Variants in NFIX observed in about 807,000 individuals in gnomAD.
NFIX encodes nuclear factor 1 X-type.
NFIX carries 2 observed loss-of-function variants against 53.3 expected under a neutral mutation model. That is an observed-to-expected ratio of 0.04 (90% CI 0.02 to 0.12). NFIX has a LOEUF of 0.12. Among genes scored for constraint, NFIX ranks in the 10% least tolerant of loss-of-function variants. The pLI is 1.00. For missense variants in NFIX, 310 were observed against 674.5 expected, an observed-to-expected ratio of 0.46 and a Z score of 5.99; for synonymous variants, 244 against 289.0, an observed-to-expected ratio of 0.84 and a Z score of 1.58.
intron 10 of NFIX, among the ~76,000 whole-genome samples, chr19:13,091,852 G>A (rs898078797): frequency 1.3e-5 from 2 of 152,240 alleles, no homozygotes; most frequent in African/African-American, 2.4e-5. Context: ...GCCACGAGCC[G>A]TCCCTGCTAA....
At chr19:13,010,222 CCCGCT>C (rs1430730756) in intron 1 of NFIX, among the ~76,000 whole-genome samples, 1 of 152,232 alleles carries the variant, frequency 6.6e-6, no homozygotes, top group African/African-American at 2.4e-5. Flanking sequence ...TGCCCCATGG[CCCGCT>C]CAGGGGCCAG....
At chr19:13,044,660 T>A (rs1387827711) in intron 2 of NFIX, among the ~76,000 whole-genome samples, 1 of 152,166 alleles carries the variant, frequency 6.6e-6, no homozygotes, top group Non-Finnish European at 1.5e-5. Context: ...TGCATGCTTG[T>A]GAGAAGTGTC....
At chr19:13,053,987 G>T (rs773533758) in intron 2 of NFIX, among the ~76,000 whole-genome samples, 3 of 152,172 alleles carry the variant, frequency 2.0e-5, no homozygotes, top group Non-Finnish European at 4.4e-5. Context: ...TGGCCTACTG[G>T]CCTGCGGCCA....
chr19:13,048,499 T>C (rs1353766946), intron 2 of NFIX, among the ~76,000 whole-genome samples: 1 of 151,934 alleles, frequency 6.6e-6, no homozygotes, highest in Non-Finnish European at 1.5e-5. Flanking sequence ...TTTTTTTAAT[T>C]CCCCATCTCC....
At chr19:13,061,907 G>T (rs2016116150) in intron 2 of NFIX, among the ~76,000 whole-genome samples, 2 of 152,306 alleles carry the variant, frequency 1.3e-5, no homozygotes, top group African/African-American at 4.8e-5. Context: ...ACAGCAGCAA[G>T]TCTAGGATTT....
At position 13,097,227 on chromosome 19, in the gene NFIX, T is replaced by A. The variant is rs2018517828; in HGVS notation, c.*2578T>A. 6.7e-6 allele frequency: 1 copy of A among 150,122 alleles called. No individual in the cohort carries two copies. Among genetic ancestry groups the A allele is most frequent in the African/African-American group, 2.4e-5 (1 of 40,850 alleles). The allele number at this position is 150,122 out of a possible 1,614,324, so 9.3% of individuals were successfully genotyped here. On this transcript the variant is annotated 3_prime_UTR_variant, in exon 11 of 11. Coordinates refer to ENST00000592199, the MANE Select transcript of NFIX (RefSeq NM_001365902.3). ...AGTCGTTTTCCTGCGTTGACGAGGATGATCTGGGGTTTTTATTTGTTTCGT... is the reference window on the plus strand; with the variant it reads ...AGTCGTTTTCCTGCGTTGACGAGGAAGATCTGGGGTTTTTATTTGTTTCGT...
chr19:13,079,695 T>C (rs899906678), intron 7 of NFIX, among the ~76,000 whole-genome samples: 2 of 152,154 alleles, frequency 1.3e-5, no homozygotes, highest in African/African-American at 4.8e-5. Flanking sequence ...CCAGGCCCTC[T>C]ACACAGGCAG....
intron 2 of NFIX, among the ~76,000 whole-genome samples, chr19:13,071,683 G>A (rs1032109543): frequency 2.0e-5 from 3 of 152,244 alleles, no homozygotes; most frequent in African/African-American, 7.2e-5. Context: ...AAGTGGGGAT[G>A]GGGTGGAGGG....
intron 8 of NFIX, among the ~76,000 whole-genome samples, chr19:13,085,474 C>G (rs2017722497): frequency 6.6e-6 from 1 of 152,170 alleles, no homozygotes; most frequent in Non-Finnish European, 1.5e-5. Flanking sequence ...TCAGACCGTC[C>G]CATTCCCTCC....
Position 13,066,488 on chromosome 19 carries a change from C to T in NFIX, c.560-6559C>T, listed in dbSNP as rs2016411391. 6.6e-6 allele frequency among the ~76,000 whole-genome samples: 1 copy of T among 152,136 alleles called. No homozygotes were observed. Among genetic ancestry groups the T allele is most frequent in the African/African-American group, 2.4e-5 (1 of 41,422 alleles). ...ATCCCCTCTGCCATGTCCTCTTCCC[C>T]CATCTCCAGCAGGTCAGTCAAGTCA... On this transcript the variant is annotated intron_variant, in intron 2 of 10. Coordinates refer to ENST00000592199, the MANE Select transcript of NFIX (RefSeq NM_001365902.3). This position sits in a 1 kb window ranked among gnomAD's most constrained non-coding sequence, Gnocchi z 4.2.
chr19:13,026,354 G>A (rs1392536311), intron 2 of NFIX, among the ~76,000 whole-genome samples: 1 of 151,378 alleles, frequency 6.6e-6, no homozygotes, highest in Admixed American at 6.6e-5. Flanking sequence ...CTGTGGAAGA[G>A]GTCTTAAACA....
chr19:13,042,652 T>G (rs1400327918), intron 2 of NFIX, among the ~76,000 whole-genome samples: 1 of 152,082 alleles, frequency 6.6e-6, no homozygotes, highest in Non-Finnish European at 1.5e-5. Context: ...CCACCATGCC[T>G]GGCCTGAAAA....
rs2016006716 is a variant in NFIX, at chr19:13,060,512, T to C, written c.560-12535T>C. Among the ~76,000 whole-genome samples, 1 of 152,198 alleles carries C rather than the reference T, an allele frequency of 6.6e-6. No homozygotes were observed. The highest frequency in any genetic ancestry group is 1.5e-5 in the Non-Finnish European group (1 of 68,018). On this transcript the variant is annotated intron_variant, in intron 2 of 10. Coordinates refer to ENST00000592199, the MANE Select transcript of NFIX (RefSeq NM_001365902.3). This position sits in a 1 kb window ranked among gnomAD's most constrained non-coding sequence, Gnocchi z 4.3. ...TGTGCAGAATCTACCCCGAAACCTATAGCTTAGGAGAAGCCTGGGTAAGCT... is the reference window on the plus strand; with the variant it reads ...TGTGCAGAATCTACCCCGAAACCTACAGCTTAGGAGAAGCCTGGGTAAGCT...
chr19:13,091,272 C>T (rs1398228422), intron 10 of NFIX, among the ~76,000 whole-genome samples: 1 of 151,990 alleles, frequency 6.6e-6, no homozygotes, highest in Non-Finnish European at 1.5e-5. Context: ...TCTCAAGAGC[C>T]CCTGGGGCCA....
At chr19:13,087,960 A>T (rs1474382222) in intron 8 of NFIX, 29 bp from the exon 9 acceptor site, 1 of 1,535,798 alleles carries the variant, frequency 6.5e-7, no homozygotes, top group Admixed American at 2.0e-5. Flanking sequence ...ATGTGCCTTC[A>T]TGCGTCACTC....
chr19:13,042,230 A>G (rs1442891717), intron 2 of NFIX, among the ~76,000 whole-genome samples: 1 of 151,796 alleles, frequency 6.6e-6, no homozygotes, highest in African/African-American at 2.4e-5. Flanking sequence ...TGTTAGCTGC[A>G]TTACCCCTAA....
intron 2 of NFIX, among the ~76,000 whole-genome samples, chr19:13,042,465 A>G (rs117136541): frequency 7.1e-6 from 1 of 141,722 alleles, no homozygotes; most frequent in African/African-American, 2.7e-5. Flanking sequence ...AGCAATTCTC[A>G]TGCCTCAGCT....
chr19:13,092,115 C>CG (rs1043638256), intron 10 of NFIX, among the ~76,000 whole-genome samples: 1 of 151,966 alleles, frequency 6.6e-6, no homozygotes, highest in Non-Finnish European at 1.5e-5. Context: ...GCGGCTGCAA[C>CG]GGGCGGGCGC....
At position 13,002,471 on chromosome 19, in the gene NFIX, G is replaced by T. The variant is rs371448081; in HGVS notation, c.27+6607G>T. ...GGGCCCCCTGAGTGGGCTTGGCCAG[G>T]GGGGCACAGGCCTGGCGGGTGAGGG... On this transcript the variant is annotated intron_variant, in intron 1 of 10. Coordinates refer to ENST00000592199, the MANE Select transcript of NFIX (RefSeq NM_001365902.3). This position sits in a 1 kb window ranked among gnomAD's most constrained non-coding sequence, Gnocchi z 6.1. 2.6e-4 allele frequency among the ~76,000 whole-genome samples: 40 copies of T among 152,232 alleles called. No individual in the cohort carries two copies. Among genetic ancestry groups the T allele is most frequent in the East Asian group, 2.3e-3 (12 of 5,138 alleles).
Sources: gnomAD v4.1 joint callset for allele counts (sites outside exome capture counted in the v4.1 genomes callset) on GRCh38, gnomAD v4.1.1 for gene constraint, Gnocchi (gnomAD v3.1) non-coding constraint, MANE v1.5 for transcripts, NCBI Gene and HGNC (gene_info 2026-07-23, HGNC 2026-07-21) for gene names.